Variants in ASIC2 observed in about 807,000 individuals in gnomAD.
ASIC2 encodes acid sensing ion channel subunit 2, also known as acid-sensing ion channel 2.
ASIC2 carries 25 observed loss-of-function variants against 57.3 expected under a neutral mutation model. The ratio of observed to expected loss-of-function variants is 0.44; its 90% CI spans 0.32 to 0.61. The LOEUF (loss-of-function observed/expected upper bound fraction) is 0.61. Among genes scored for constraint, ASIC2 ranks in the 20% least tolerant of loss-of-function variants. ASIC2 has a pLI of 0.06. For missense variants in ASIC2, 641 were observed against 738.1 expected (o/e 0.87, Z 1.52); for synonymous variants, 319 against 307.5 (o/e 1.04, Z -0.39).
At chr17:33,633,505 TCGAGGGGTTGCTGGAGTTGACATGC>T (rs2142028606) in intron 1 of ASIC2, among the ~76,000 whole-genome samples, 1 of 152,296 alleles carries the variant, frequency 6.6e-6, no homozygotes, top group African/African-American at 2.4e-5. Context: ...TTCTGCTGGG[TCGAGGGGTTGCTGGAGTTGACATGC>T]CCAGGGCCTC....
intron 1 of ASIC2, among the ~76,000 whole-genome samples, chr17:34,033,969 C>A (rs1189234899): frequency 6.6e-6 from 1 of 152,166 alleles, no homozygotes; most frequent in Non-Finnish European, 1.5e-5. Flanking sequence ...TGAAATTATT[C>A]CAATCAATAG....
At chr17:33,768,551 A>G (rs1305968846) in intron 1 of ASIC2, among the ~76,000 whole-genome samples, 1 of 152,248 alleles carries the variant, frequency 6.6e-6, no homozygotes, top group East Asian at 1.9e-4. Context: ...ACTCAATATC[A>G]TGTACTGAAA....
chr17:33,976,369 C>G (rs1023871499), intron 1 of ASIC2, among the ~76,000 whole-genome samples: 1 of 151,902 alleles, frequency 6.6e-6, no homozygotes, highest in African/African-American at 2.4e-5. Context: ...GACTTGTGTC[C>G]CCATCTCCAC....
chr17:33,144,167 A>G (rs1478155471), intron 1 of ASIC2, among the ~76,000 whole-genome samples: 1 of 149,868 alleles, frequency 6.7e-6, no homozygotes, highest in Non-Finnish European at 1.5e-5. Context: ...CAAAAAAAAA[A>G]ACGAAAAACA....
intron 1 of ASIC2, among the ~76,000 whole-genome samples, chr17:33,155,029 C>T (rs1054387986): frequency 3.9e-5 from 6 of 152,204 alleles, no homozygotes; most frequent in Non-Finnish European, 7.3e-5. Flanking sequence ...TTGTTGGCGG[C>T]GGCGGCAGCG....
At chr17:33,233,311 A>G (rs1908174968) in intron 1 of ASIC2, among the ~76,000 whole-genome samples, 1 of 151,038 alleles carries the variant, frequency 6.6e-6, no homozygotes, top group South Asian at 2.1e-4. Flanking sequence ...TCTTTTCCCA[A>G]CCCCCACACT....
rs116864442 is a variant in ASIC2 at position 34,140,348 on chromosome 17, G to T, written c.555+15630C>A. 2.6e-5 allele frequency among the ~76,000 whole-genome samples: 4 copies of T among 152,312 alleles called. No homozygotes were observed. The East Asian group carries it at 7.7e-4, about 29-fold the overall frequency. On this transcript the variant is annotated intron_variant, in intron 1 of 9. Transcript: ENST00000359872. ...CCTGTGCTGTTAGACTGGAATAAGC[G>T]GCATCTGTGTAAATTCCTGGTTTGA...
intron 1 of ASIC2, chr17:33,580,040 C>G (rs1176004258): frequency 1.3e-5 from 2 of 152,126 alleles, no homozygotes; most frequent in Admixed American, 1.3e-4. Flanking sequence ...AATCCTTTAG[C>G]TAGACAGAAA....
At chr17:33,262,038 G>A (rs1055016751) in intron 1 of ASIC2, among the ~76,000 whole-genome samples, 4 of 152,202 alleles carry the variant, frequency 2.6e-5, no homozygotes, top group South Asian at 2.1e-4. Flanking sequence ...GGTAGCTGGC[G>A]CACGACCGGG....
intron 1 of ASIC2, chr17:34,039,686 G>T: frequency 6.2e-7 from 1 of 1,612,128 alleles, no homozygotes; most frequent in South Asian, 1.1e-5. Flanking sequence ...TTTCTTTTCC[G>T]ATTTCGCTGG....
At chr17:33,784,883 C>T (rs1911557690) in intron 1 of ASIC2, among the ~76,000 whole-genome samples, 1 of 152,082 alleles carries the variant, frequency 6.6e-6, no homozygotes, top group Non-Finnish European at 1.5e-5. Flanking sequence ...TTTTGGGGAA[C>T]AATTTTACCC....
At chr17:34,101,095 CTT>C (rs1016571627) in intron 1 of ASIC2, among the ~76,000 whole-genome samples, 2 of 152,190 alleles carry the variant, frequency 1.3e-5, no homozygotes, top group African/African-American at 2.4e-5. Context: ...CACATCAGCT[CTT>C]GTTACTACTT....
intron 1 of ASIC2, among the ~76,000 whole-genome samples, chr17:33,438,848 CTT>C (rs55935165): frequency 0.26 from 33,506 of 130,066 alleles, 3,872 homozygotes; most frequent in Middle Eastern, 0.34. Flanking sequence ...GCAGGGGAAC[CTT>C]TTTTTTTTTT....
intron 1 of ASIC2, among the ~76,000 whole-genome samples, chr17:33,430,827 C>T (rs1433123925): frequency 1.3e-5 from 2 of 152,172 alleles, no homozygotes; most frequent in Non-Finnish European, 2.9e-5. Context: ...TCATTCTCTA[C>T]ATAAAAACAA....
In ASIC2 at chr17:33,665,326, C is replaced by T. The variant is rs116585671; in HGVS notation, c.555+490652G>A. Among the ~76,000 whole-genome samples, 428 of 152,080 alleles carry T rather than the reference C, an allele frequency of 2.8e-3. 3 individuals carry two copies. The highest frequency in any genetic ancestry group is 6.6e-3 in the African/African-American group (275 of 41,486). On this transcript the variant is annotated intron_variant, in intron 1 of 9. Coordinates refer to the ASIC2 transcript ENST00000359872. The stretch of plus-strand genomic sequence containing the variant: ...CAAAAGTATGTACTGATGGGGGTGT[C>T]GAATTCCAATTCTGTAGACAATGGC...
At chr17:34,073,325 T>C (rs1477849476) in intron 1 of ASIC2, among the ~76,000 whole-genome samples, 1 of 152,184 alleles carries the variant, frequency 6.6e-6, no homozygotes, top group Non-Finnish European at 1.5e-5. Context: ...AAACTTTATT[T>C]TCAAAAACAG....
At chr17:33,279,509 C>T (rs958012727) in intron 1 of ASIC2, among the ~76,000 whole-genome samples, 1 of 152,134 alleles carries the variant, frequency 6.6e-6, no homozygotes. Context: ...TAGGTGCTTT[C>T]CTGGCTTGTT....
intron 1 of ASIC2, among the ~76,000 whole-genome samples, chr17:33,579,826 G>A (rs1465975713): frequency 6.6e-6 from 1 of 152,066 alleles, no homozygotes; most frequent in Admixed American, 6.5e-5. Flanking sequence ...TCGGCGTCTG[G>A]CTCGGGTGGG....
At chr17:33,164,041 C>T (rs919430074) in intron 1 of ASIC2, among the ~76,000 whole-genome samples, 1 of 152,198 alleles carries the variant, frequency 6.6e-6, no homozygotes, top group Non-Finnish European at 1.5e-5. Flanking sequence ...GCATCTTGCT[C>T]AATGTCCCAC....
Sources: gnomAD v4.1 joint callset for allele counts (sites outside exome capture counted in the v4.1 genomes callset) on GRCh38, gnomAD v4.1.1 for gene constraint, MANE v1.5 for transcripts, NCBI Gene and HGNC (gene_info 2026-07-23, HGNC 2026-07-21) for gene names.